Variants in BNC2 observed in about 807,000 individuals in gnomAD.
BNC2 encodes the protein basonuclin zinc finger protein 2.
A neutral mutation model predicts 76.3 loss-of-function variants in BNC2; 20 were observed. The observed-to-expected ratio is 0.26, with a 90% confidence interval of 0.18 to 0.38. The LOEUF is 0.38. Among genes scored for constraint, BNC2 ranks in the 10% least tolerant of loss-of-function variants. The pLI is 1.00. For missense variants in BNC2, 1,382 were observed against 1,399.8 expected, an observed-to-expected ratio of 0.99 and a Z score of 0.20; for synonymous variants, 582 against 514.8, an observed-to-expected ratio of 1.13 and a Z score of -1.77.
chr9:16,529,144 G>A (rs1817901694), intron 5 of BNC2, among the ~76,000 whole-genome samples: 1 of 152,200 alleles, frequency 6.6e-6, no homozygotes, highest in South Asian at 2.1e-4. Flanking sequence ...CCTACCCACA[G>A]AGTCCGAGAT....
At chr9:16,749,004 G>C (rs1825099734) in intron 1 of BNC2, among the ~76,000 whole-genome samples, 1 of 149,280 alleles carries the variant, frequency 6.7e-6, no homozygotes, top group South Asian at 2.1e-4. Context: ...AAACCAAAGA[G>C]AGTTTTGGAA....
intron 3 of BNC2, among the ~76,000 whole-genome samples, chr9:16,662,646 G>A (rs555163245): frequency 6.6e-6 from 1 of 152,326 alleles, no homozygotes; most frequent in Admixed American, 6.5e-5. Flanking sequence ...TGAGGCAGGA[G>A]AATCATTTAA....
At chr9:16,724,835 T>A (rs915520516) in intron 3 of BNC2, among the ~76,000 whole-genome samples, 3 of 152,126 alleles carry the variant, frequency 2.0e-5, no homozygotes, top group Non-Finnish European at 4.4e-5. Flanking sequence ...TATAGTTAAA[T>A]ACTGATGGTA....
In BNC2 at chr9:16,414,380, C is replaced by T. The variant is rs1440814009; in HGVS notation, c.*4609G>A. ...GTGATCCCTCCAGTCTTTCTGGTAT[C>T]TTTTATTGCTCATCTTACTCATTTA... On this transcript the variant is annotated 3_prime_UTR_variant, in exon 7 of 7. Coordinates refer to ENST00000380672, the MANE Select transcript of BNC2 (RefSeq NM_017637.6). 6.6e-6 allele frequency: 1 copy of T among 152,148 alleles called. No individual in the cohort carries two copies. The highest frequency in any genetic ancestry group is 1.5e-5 in the Non-Finnish European group (1 of 68,014). 9.4% of individuals were successfully genotyped at this position (152,148 alleles called of 1,614,324 possible).
chr9:16,428,306 T>G (rs968150917), intron 6 of BNC2, among the ~76,000 whole-genome samples: 1 of 152,164 alleles, frequency 6.6e-6, no homozygotes, highest in Non-Finnish European at 1.5e-5. Flanking sequence ...GCAGCAGAGT[T>G]AGAGCGGCTC....
chr9:16,437,099 C>A lies in BNC2; in HGVS notation c.1095G>T (p.Glu365Asp). 1 of 1,614,162 alleles carries A rather than the reference C, an allele frequency of 6.2e-7. No homozygotes were observed. Among genetic ancestry groups the A allele is most frequent in the Non-Finnish European group, 8.5e-7 (1 of 1,180,032 alleles). Residue 365 changes from glutamate (E) to aspartate (D), a missense_variant, in exon 6 of 7, where the codon GAG becomes GAT. Coordinates refer to ENST00000380672, the MANE Select transcript of BNC2 (RefSeq NM_017637.6). ...TGGGAGAAACTTCGGATTCGCTGCT[C>A]TCATTATATTCATTCTGAGTTGAAA... ...PSLSTQNEYN[E>D]SSESEVSPTP...
At chr9:16,685,051 C>A (rs1476538926) in intron 3 of BNC2, among the ~76,000 whole-genome samples, 1 of 152,150 alleles carries the variant, frequency 6.6e-6, no homozygotes, top group East Asian at 1.9e-4. Context: ...AGCCGGGAGA[C>A]CATATTGTAG....
At chr9:16,771,667 T>C (rs1334257565) in intron 1 of BNC2, among the ~76,000 whole-genome samples, 1 of 152,226 alleles carries the variant, frequency 6.6e-6, no homozygotes, top group Non-Finnish European at 1.5e-5. Flanking sequence ...CCAAAGGACA[T>C]TCAACTTGAT....
At chr9:16,801,080 C>T (rs1388581888) in intron 1 of BNC2, among the ~76,000 whole-genome samples, 2 of 152,164 alleles carry the variant, frequency 1.3e-5, no homozygotes, top group East Asian at 3.9e-4. Context: ...CAAGTATATA[C>T]ACTTCTAAAC....
At chr9:16,546,535 G>A (rs988820261) in intron 5 of BNC2, among the ~76,000 whole-genome samples, 7 of 152,040 alleles carry the variant, frequency 4.6e-5, no homozygotes, top group African/African-American at 7.2e-5. Flanking sequence ...GTCAAAGACC[G>A]GAATTTACAA....
chr9:16,539,191 GA>G (rs1435173130), intron 5 of BNC2, among the ~76,000 whole-genome samples: 6 of 152,088 alleles, frequency 3.9e-5, no homozygotes, highest in South Asian at 2.1e-4. Flanking sequence ...AAAACAGGGG[GA>G]AAAAAACAAA....
intron 5 of BNC2, among the ~76,000 whole-genome samples, chr9:16,447,080 G>A (rs1302542892): frequency 6.6e-6 from 1 of 152,110 alleles, no homozygotes; most frequent in African/African-American, 2.4e-5. Flanking sequence ...TCAAACCTGA[G>A]AAACTTTTAA....
intron 3 of BNC2, among the ~76,000 whole-genome samples, chr9:16,681,242 G>GAC (rs1278762090): frequency 6.6e-6 from 1 of 152,216 alleles, no homozygotes; most frequent in East Asian, 1.9e-4. Context: ...CTGAGAGGTA[G>GAC]ATAAGTAAAA....
chr9:16,798,711 G>A (rs1247421234), intron 1 of BNC2, among the ~76,000 whole-genome samples: 2 of 152,100 alleles, frequency 1.3e-5, no homozygotes, highest in African/African-American at 2.4e-5. Flanking sequence ...AGAAATTATA[G>A]AGGAAATACT....
At chr9:16,554,534 T>C (rs1818763059) in intron 4 of BNC2, among the ~76,000 whole-genome samples, 1 of 152,204 alleles carries the variant, frequency 6.6e-6, no homozygotes, top group Admixed American at 6.5e-5. Context: ...TTTGAATAAA[T>C]AGCCTTAAAA....
intron 1 of BNC2, among the ~76,000 whole-genome samples, chr9:16,808,479 C>CTTTTTTTTTT (rs768028981): frequency 1.3e-5 from 1 of 78,678 alleles, no homozygotes; most frequent in Non-Finnish European, 2.2e-5. Context: ...TCTTGGGCAA[C>CTTTTTTTTTT]TTTTTTTTTT....
rs1289139760 is a variant in BNC2 at position 16,646,612 on chromosome 9, T to A, written c.331-63527A>T. ...GAAAGGAGATTAACTGGAAAAGGCA[T>A]AAGGGAACATTATGGGGTAAAGAAA... On this transcript the variant is annotated intron_variant, in intron 3 of 6. Coordinates refer to ENST00000380672, the MANE Select transcript of BNC2 (RefSeq NM_017637.6). 3.9e-5 allele frequency among the ~76,000 whole-genome samples: 6 copies of A among 152,096 alleles called. 1 individual carries two copies. The South Asian group carries it at 6.2e-4, about 16-fold the overall frequency.
intron 5 of BNC2, among the ~76,000 whole-genome samples, chr9:16,490,573 T>C (rs1822255866): frequency 6.6e-6 from 1 of 152,100 alleles, no homozygotes; most frequent in Non-Finnish European, 1.5e-5. Flanking sequence ...TATGTATCTG[T>C]GTGGGTGTGT....
chr9:16,730,901 A>C (rs1247715296), intron 2 of BNC2, among the ~76,000 whole-genome samples: 1 of 152,268 alleles, frequency 6.6e-6, no homozygotes, highest in African/African-American at 2.4e-5. Flanking sequence ...AAAAAGAGAC[A>C]ACAATTAATC....
Sources: allele counts gnomAD v4.1 joint callset (sites outside exome capture counted in the v4.1 genomes callset), GRCh38; gene constraint gnomAD v4.1.1; transcripts MANE v1.5; gene names NCBI Gene and HGNC (gene_info 2026-07-23, HGNC 2026-07-21).